ZNF587B: variants seen among roughly 807,000 people sequenced by gnomAD.
ZNF587B encodes zinc finger protein 587B.
In ZNF587B, 6 loss-of-function variants were observed where a neutral mutation model predicts 7.2. The ratio of observed to expected loss-of-function variants is 0.83; its 90% CI spans 0.46 to 1.65. ZNF587B has a LOEUF of 1.65. Ranked by LOEUF, ZNF587B falls within the 40% of genes most tolerant of loss-of-function variation. ZNF587B has a pLI of 0.01. For missense variants in ZNF587B, 749 were observed against 761.0 expected (o/e 0.98, Z 0.19); for synonymous variants, 274 against 254.3 (o/e 1.08, Z -0.74).
In ZNF587B at chr19:57,841,563, C is replaced by T. The variant is rs1336700781; in HGVS notation, c.889C>T (p.Pro297Ser). ...QHQQFHTGGK[P>S]YGCEECGKYF... Reference sequence around the variant, plus strand: ...TCAGCAATTTCACACTGGAGGAAAACCTTATGGGTGTGAAGAATGTGGGAA... The same window carrying T: ...TCAGCAATTTCACACTGGAGGAAAATCTTATGGGTGTGAAGAATGTGGGAA... Residue 297 changes from proline (P) to serine (S), a missense_variant, in exon 3 of 3, where the codon CCT (proline) becomes TCT (serine). Physicochemically the swap from Pro to Ser is moderately conservative, Grantham distance 74 (BLOSUM62 -1). Around this residue, in one of 3 missense-constraint regions of ZNF587B, gnomAD observed 656 missense variants for 596.5 expected, o/e 1.10. Coordinates refer to ENST00000594901, the MANE Select transcript of ZNF587B (RefSeq NM_001376223.1). 4.4e-6 allele frequency: 7 copies of T among 1,578,700 alleles called. No homozygotes were observed. The highest frequency in any genetic ancestry group is 6.0e-6 in the Non-Finnish European group (7 of 1,161,858).
At position 57,830,995 on chromosome 19, in the gene ZNF587B, A is replaced by C. The variant is rs7260121; in HGVS notation, c.36+431A>C. ...AAGGATAAATGGTTACAGGAAAGTA[A>C]ACAGTTCCAGGTGCAGGGGCTTTAA... On this transcript the variant is annotated intron_variant, in intron 1 of 2. Coordinates refer to ENST00000594901, the MANE Select transcript of ZNF587B (RefSeq NM_001376223.1). 4.8e-3 allele frequency among the ~76,000 whole-genome samples: 731 copies of C among 152,300 alleles called. 9 individuals carry two copies. Among genetic ancestry groups the C allele is most frequent in the African/African-American group, 0.017 (701 of 41,562 alleles).
Position 57,843,441 on chromosome 19 carries a change from A to G in ZNF587B, c.*865A>G. ...CTTATGTGACTGCCACTTATCTGGC[A>G]AAAGCCATTACATCTCAGCTACTTG... On this transcript the variant is annotated 3_prime_UTR_variant, in exon 3 of 3. Coordinates refer to ENST00000594901, the MANE Select transcript of ZNF587B (RefSeq NM_001376223.1). The G allele has an allele frequency of 4.1e-6, 4 of 985,312 alleles. No individual in the cohort carries two copies. Among genetic ancestry groups the G allele is most frequent in the Non-Finnish European group, 4.8e-6 (4 of 829,848 alleles). The allele number at this position is 985,312 out of a possible 1,614,324, so 61.0% of individuals were successfully genotyped here. A position where few individuals can be genotyped will look rare whatever the true frequency, so the allele number is the denominator to read the frequency against.
chr19:57,836,183 G>T (rs948959871), intron 1 of ZNF587B, among the ~76,000 whole-genome samples: 18 of 151,804 alleles, frequency 1.2e-4, no homozygotes, highest in African/African-American at 4.4e-4. Flanking sequence ...TTGCTGAGGG[G>T]CTGGCAAGTG....
chr19:57,842,827 A>G lies in ZNF587B; in HGVS notation c.*251A>G, dbSNP rs1446642525. On this transcript the variant is annotated 3_prime_UTR_variant, in exon 3 of 3. Coordinates refer to ENST00000594901, the MANE Select transcript of ZNF587B (RefSeq NM_001376223.1). ...CTTACTAGTGTGGCAAATATAGGCT[A>G]TTTATCCAGAAGTCTGGCTTCAAAA... The G allele has an allele frequency of 4.1e-6, 4 of 985,246 alleles. No individual in the cohort carries two copies. Among genetic ancestry groups the G allele is most frequent in the East Asian group, 2.3e-4 (2 of 8,814 alleles). 61.0% of individuals were successfully genotyped at this position (985,246 alleles called of 1,614,324 possible).
chr19:57,837,408 C>A (rs1173130926), intron 1 of ZNF587B, among the ~76,000 whole-genome samples: 3 of 151,652 alleles, frequency 2.0e-5, no homozygotes, highest in Non-Finnish European at 4.4e-5. Context: ...AGGTGCCCAC[C>A]ACCACGCTCA....
At chr19:57,837,684 G>A (rs1988674319) in intron 1 of ZNF587B, among the ~76,000 whole-genome samples, 3 of 151,894 alleles carry the variant, frequency 2.0e-5, no homozygotes, top group Non-Finnish European at 4.4e-5. Flanking sequence ...TCCTGACCTC[G>A]TCATCTGCCC....
In ZNF587B at chr19:57,842,048, T is replaced by C; in HGVS notation, c.1374T>C (p.His458=). The stretch of plus-strand genomic sequence containing the variant: ...AGGGTAACCTCATTCTACACCAGCA[T>C]GGCCATACTAGAAAAAGGCCTTATA... ...SHKGNLILHQ[H]GHTRKRPYMC... Residue 458 remains histidine, a synonymous_variant, in exon 3 of 3, where the codon CAT becomes CAC. Coordinates refer to ENST00000594901, the MANE Select transcript of ZNF587B (RefSeq NM_001376223.1). 6.3e-7 allele frequency: 1 copy of C among 1,590,692 alleles called. No individual in the cohort carries two copies. The highest frequency in any genetic ancestry group is 8.6e-7 in the Non-Finnish European group (1 of 1,168,246).
At chr19:57,835,189 C>T (rs990087513) in intron 1 of ZNF587B, among the ~76,000 whole-genome samples, 5 of 97,164 alleles carry the variant, frequency 5.1e-5, no homozygotes, top group Middle Eastern at 9.1e-3. Flanking sequence ...AGGAAGACAG[C>T]GTTGAGGCTC....
At chr19:57,837,670 G>A (rs192850827) in intron 1 of ZNF587B, among the ~76,000 whole-genome samples, 34 of 152,016 alleles carry the variant, frequency 2.2e-4, no homozygotes, top group African/African-American at 6.3e-4. Flanking sequence ...GGATGGTCTC[G>A]ATCTCCTGAC....
At position 57,843,587 on chromosome 19, in the gene ZNF587B, G is replaced by GTTTTTTTTTTTTT. The variant is rs1324065807; in HGVS notation, c.*1013_*1014insTTTTTTTTTTTTT. On this transcript the variant is annotated 3_prime_UTR_variant, in exon 3 of 3. Transcript: ENST00000594901. ...GTTTGGTTGGTTGGTTGGTTGGTTG[G>GTTTTTTTTTTTTT]TTGTTTTTTTTTGTTTTTTTTTTTT... 4.6e-4 allele frequency: 352 copies of GTTTTTTTTTTTTT among 759,520 alleles called. 41 individuals are homozygous for GTTTTTTTTTTTTT. The highest frequency in any genetic ancestry group is 2.0e-3 in the Middle Eastern group (3 of 1,470). The allele number at this position is 759,520 out of a possible 1,614,324, so 47.0% of individuals were successfully genotyped here.
intron 1 of ZNF587B, 54 bp downstream of exon 1, chr19:57,830,618 T>TG (rs1988340198): frequency 6.5e-7 from 1 of 1,539,852 alleles, no homozygotes; most frequent in African/African-American, 1.4e-5. Context: ...CCCAAAAGCC[T>TG]GTAGTCTTGC....
Position 57,841,182 on chromosome 19 carries a change from T to A in ZNF587B, c.508T>A (p.Ser170Thr). Residue 170 changes from serine (S) to threonine (T), a missense_variant, in exon 3 of 3, where the codon TCT (serine) becomes ACT (threonine). Around this residue, in one of 3 missense-constraint regions of ZNF587B, gnomAD observed 656 missense variants for 596.5 expected, o/e 1.10. Coordinates refer to ENST00000594901, the MANE Select transcript of ZNF587B (RefSeq NM_001376223.1). ...RCKLHVSGES[S>T]VFSESGKDFL... The stretch of plus-strand genomic sequence containing the variant: ...TAAGTTGCATGTGTCAGGGGAGTCA[T>A]CTGTCTTCAGTGAGAGTGGGAAGGA... 1 of 1,614,212 alleles carries A rather than the reference T, an allele frequency of 6.2e-7. No homozygotes were observed. Among genetic ancestry groups the A allele is most frequent in the South Asian group, 1.1e-5 (1 of 91,082 alleles).
At chr19:57,836,577 A>G (rs1462704273) in intron 1 of ZNF587B, among the ~76,000 whole-genome samples, 6 of 151,998 alleles carry the variant, frequency 3.9e-5, no homozygotes, top group Non-Finnish European at 2.9e-5. Context: ...GCTGTTCTTG[A>G]ACTCCTACGA....
chr19:57,830,392 G>A lies in ZNF587B; in HGVS notation c.-137G>A. ...AGAAGGCGGAGAACAGTTGTCCTCT[G>A]CTGCACAGAGGCGACTCTGGAGCTC... is the stretch of plus-strand genomic sequence containing the variant. On this transcript the variant is annotated 5_prime_UTR_variant, in exon 1 of 3. Coordinates refer to ENST00000594901, the MANE Select transcript of ZNF587B (RefSeq NM_001376223.1). 2.2e-6 allele frequency: 2 copies of A among 892,356 alleles called. No individual in the cohort carries two copies. The highest frequency in any genetic ancestry group is 3.5e-6 in the Non-Finnish European group (2 of 578,528). 55.3% of individuals were successfully genotyped at this position (892,356 alleles called of 1,614,324 possible). A position where few individuals can be genotyped will look rare whatever the true frequency, so the allele number is the denominator to read the frequency against.
chr19:57,837,900 G>A (rs1419571632), intron 1 of ZNF587B, among the ~76,000 whole-genome samples: 1 of 152,008 alleles, frequency 6.6e-6, no homozygotes, highest in East Asian at 1.9e-4. Context: ...CATTTGATTT[G>A]GAAACTGCTC....
At position 57,842,297 on chromosome 19, in the gene ZNF587B, G is replaced by T. The variant is rs750271278; in HGVS notation, c.1623G>T (p.Lys541Asn). ...ACAGCTGTGCATTCATTGTTCATAA[G>T]AGAGTTCACACTGGTCAGAAGCCTT... Reference protein sequence around the residue: ...FTHSCAFIVHKRVHTGQKPYE... With the variant: ...FTHSCAFIVHNRVHTGQKPYE... The change falls in exon 3 of 3, where the codon AAG (lysine) becomes AAT (asparagine). Residue 541 changes from lysine (K) to asparagine (N), a missense_variant. Transcript: ENST00000594901. 2 of 1,612,468 alleles carry T rather than the reference G, an allele frequency of 1.2e-6. No homozygotes were observed. Among genetic ancestry groups the T allele is most frequent in the South Asian group, 2.2e-5 (2 of 90,822 alleles).
Position 57,842,133 on chromosome 19 carries a change from A to G in ZNF587B, c.1459A>G (p.Ile487Val). The G allele has an allele frequency of 6.2e-7, 1 of 1,611,786 alleles. No homozygotes were observed. The highest frequency in any genetic ancestry group is 8.5e-7 in the Non-Finnish European group (1 of 1,178,788). Residue 487 changes from isoleucine to valine, a missense_variant, in exon 3 of 3, where the codon ATT (isoleucine) becomes GTT (valine). Coordinates refer to ENST00000594901, the MANE Select transcript of ZNF587B (RefSeq NM_001376223.1). ...GTCTCACCTCCTTGTACACCAGAGA[A>G]TTCACAGTGGAGAGAAGCCATATGC... ...KKSHLLVHQR[I>V]HSGEKPYACE... is the part of the protein sequence containing the mutation.
Position 57,830,699 on chromosome 19 carries a change from G to A in ZNF587B, c.36+135G>A. The A allele has an allele frequency of 2.9e-6, 3 of 1,033,300 alleles. No individual in the cohort carries two copies. The Admixed American group carries it at 6.6e-5, about 23-fold the overall frequency. The allele number at this position is 1,033,300 out of a possible 1,614,324, so 64.0% of individuals were successfully genotyped here. The stretch of plus-strand genomic sequence containing the variant: ...AGTTTTTATTAGGAGTGACTGTCAG[G>A]ACAGCCCTTTTGAGCTGCTGAAGGC... On this transcript the variant is annotated intron_variant, in intron 1 of 2. Transcript: ENST00000594901.
At chr19:57,832,149 C>T (rs1359423877) in intron 1 of ZNF587B, among the ~76,000 whole-genome samples, 6 of 151,180 alleles carry the variant, frequency 4.0e-5, no homozygotes, top group African/African-American at 1.2e-4. Context: ...CGCAGTGGCA[C>T]GATCTCGGCT....
Sources: allele counts gnomAD v4.1 joint callset (sites outside exome capture counted in the v4.1 genomes callset), GRCh38; gene constraint gnomAD v4.1.1; regional missense constraint gnomAD v4.1.1; transcripts MANE v1.5; gene names NCBI Gene and HGNC (gene_info 2026-07-23, HGNC 2026-07-21).